Variants in ZFYVE28 observed in about 807,000 individuals in gnomAD.
ZFYVE28 encodes lateral signaling target protein 2 homolog.
Under a neutral mutation model 82.1 loss-of-function variants are expected in ZFYVE28, and 40 were observed. That is an observed-to-expected ratio of 0.49 (90% CI 0.38 to 0.63). ZFYVE28 has a LOEUF of 0.63. Ranked by LOEUF, ZFYVE28 falls within the 30% of genes least tolerant of loss-of-function variation. ZFYVE28 has a pLI of 0.00. For missense variants in ZFYVE28, 1,321 were observed against 1,242.1 expected (o/e 1.06, Z -0.96); for synonymous variants, 612 against 546.1 (o/e 1.12, Z -1.68).
chr4:2,276,770 G>A (rs1488217437), intron 8 of ZFYVE28, among the ~76,000 whole-genome samples: 1 of 152,024 alleles, frequency 6.6e-6, no homozygotes, highest in Non-Finnish European at 1.5e-5. Flanking sequence ...CGTTCATACA[G>A]ATGGAAGGTA....
At chr4:2,360,398 C>T (rs1359067143) in intron 1 of ZFYVE28, among the ~76,000 whole-genome samples, 1 of 150,724 alleles carries the variant, frequency 6.6e-6, no homozygotes, top group Non-Finnish European at 1.5e-5. Flanking sequence ...ATCACACACA[C>T]ACACACACAC....
intron 1 of ZFYVE28, among the ~76,000 whole-genome samples, chr4:2,402,404 T>C (rs1416609787): frequency 1.8e-4 from 27 of 152,212 alleles, no homozygotes; most frequent in Admixed American, 1.8e-3. Flanking sequence ...GGCCATGTCC[T>C]GCAGCCTCTG....
At chr4:2,404,857 CTTT>C (rs11404626) in intron 1 of ZFYVE28, among the ~76,000 whole-genome samples, 4 of 110,990 alleles carry the variant, frequency 3.6e-5, no homozygotes, top group African/African-American at 1.1e-4. Flanking sequence ...CAGTCTCGCT[CTTT>C]TTTTTTTTTT....
At chr4:2,353,337 G>A (rs759291822) in intron 2 of ZFYVE28, among the ~76,000 whole-genome samples, 23 of 152,196 alleles carry the variant, frequency 1.5e-4, no homozygotes, top group Non-Finnish European at 2.9e-4. Context: ...ACCTCCCATG[G>A]CCGCAAGGAT....
chr4:2,389,856 G>A (rs909482868), intron 1 of ZFYVE28, among the ~76,000 whole-genome samples: 3 of 152,160 alleles, frequency 2.0e-5, no homozygotes, highest in Non-Finnish European at 2.9e-5. Context: ...AACACACCAC[G>A]TGCTCACCCC....
intron 1 of ZFYVE28, among the ~76,000 whole-genome samples, chr4:2,382,170 C>A (rs902738813): frequency 3.3e-5 from 5 of 152,240 alleles, no homozygotes; most frequent in African/African-American, 1.2e-4. Context: ...AGGGGTGGGG[C>A]ACTCATGGAG....
chr4:2,408,049 A>C lies in ZFYVE28; in HGVS notation c.39+10236T>G, dbSNP rs1030821167. On this transcript the variant is annotated intron_variant, in intron 1 of 12. Coordinates refer to ENST00000290974, the MANE Select transcript of ZFYVE28 (RefSeq NM_020972.3). This position sits in a 1 kb window ranked among gnomAD's most constrained non-coding sequence, Gnocchi z 4.3. ...GCTCCTCCAGAACACCATGTACCTC[A>C]CTCGGCCAGGCTGCCCAGGTGACCC... is the stretch of plus-strand genomic sequence containing the variant. Among the ~76,000 whole-genome samples, 2 of 151,932 alleles carry C rather than the reference A, an allele frequency of 1.3e-5. No homozygotes were observed. Among genetic ancestry groups the C allele is most frequent in the Non-Finnish European group, 2.9e-5 (2 of 67,938 alleles).
In ZFYVE28 at chr4:2,339,321, G is replaced by T; in HGVS notation, c.521+132C>A. 1 of 1,002,148 alleles carries T rather than the reference G, an allele frequency of 1.0e-6. No individual in the cohort carries two copies. Among genetic ancestry groups the T allele is most frequent in the Non-Finnish European group, 1.5e-6 (1 of 678,148 alleles). 62.1% of individuals were successfully genotyped at this position (1,002,148 alleles called of 1,614,324 possible). Reference sequence around the variant, plus strand: ...TCTCCAGGGCTTAACCCCACCCACAGGCGGCCCTGAACCTGCCTGGCTCCT... The same window carrying T: ...TCTCCAGGGCTTAACCCCACCCACATGCGGCCCTGAACCTGCCTGGCTCCT... On this transcript the variant is annotated intron_variant, in intron 4 of 12. Coordinates refer to ENST00000290974, the MANE Select transcript of ZFYVE28 (RefSeq NM_020972.3). The surrounding 1 kb of genome is among the most constrained non-coding windows in gnomAD (Gnocchi z 5.0).
At chr4:2,283,577 CCCATCCATCCAT>C (rs564572115) in intron 8 of ZFYVE28, among the ~76,000 whole-genome samples, 4 of 147,036 alleles carry the variant, frequency 2.7e-5, no homozygotes, top group East Asian at 2.0e-4. Flanking sequence ...CGTCCATCCA[CCCATCCATCCAT>C]CCATCCATCC....
chr4:2,385,096 G>T (rs191276827), intron 1 of ZFYVE28, among the ~76,000 whole-genome samples: 21 of 152,290 alleles, frequency 1.4e-4, no homozygotes, highest in Middle Eastern at 3.4e-3. Context: ...TGGCGAGAAG[G>T]GGGACCAGAC....
Position 2,418,411 on chromosome 4 carries a change from G to T in ZFYVE28, c.-88C>A. On this transcript the variant is annotated 5_prime_UTR_variant, in exon 1 of 13. Coordinates refer to ENST00000290974, the MANE Select transcript of ZFYVE28 (RefSeq NM_020972.3). This position sits in a 1 kb window ranked among gnomAD's most constrained non-coding sequence, Gnocchi z 4.6. ...CCGGCTGAGGCGCGGGGCGGACGCG[G>T]AGGCACGGCCGGAGCCCCCGCGCTG... The T allele has an allele frequency of 9.3e-7, 1 of 1,070,530 alleles. No homozygotes were observed. The highest frequency in any genetic ancestry group is 1.1e-6 in the Non-Finnish European group (1 of 869,644). The allele number at this position is 1,070,530 out of a possible 1,614,324, so 66.3% of individuals were successfully genotyped here. A position where few individuals can be genotyped will look rare whatever the true frequency, so the allele number is the denominator to read the frequency against.
chr4:2,278,034 G>C (rs1175255550), intron 8 of ZFYVE28, among the ~76,000 whole-genome samples: 1 of 152,154 alleles, frequency 6.6e-6, no homozygotes, highest in Non-Finnish European at 1.5e-5. Flanking sequence ...CTTATGGGCA[G>C]TGGATTCTCA....
chr4:2,320,267 G>A lies in ZFYVE28; in HGVS notation c.706C>T (p.Leu236Phe). The change falls in exon 7 of 13, where the codon CTC becomes TTC. Residue 236 changes from leucine (L) to phenylalanine (F), a missense_variant. Physicochemically the swap from Leu to Phe is conservative, Grantham distance 22. Transcript: ENST00000290974. This position sits in a 1 kb window ranked among gnomAD's most constrained non-coding sequence, Gnocchi z 5.1. ...SIPRLAIVCG[L>F]VVYADGPLNL... ...AGAGGTCCGTCCGCATAGACCACGA[G>A]GCCACTGCATTTGAGACACAAAAGC... 6.2e-7 allele frequency: 1 copy of A among 1,614,008 alleles called. No individual in the cohort carries two copies. The highest frequency in any genetic ancestry group is 8.5e-7 in the Non-Finnish European group (1 of 1,179,948).
chr4:2,366,730 C>A (rs2108899897), intron 1 of ZFYVE28, among the ~76,000 whole-genome samples: 1 of 152,098 alleles, frequency 6.6e-6, no homozygotes, highest in East Asian at 1.9e-4. Context: ...GAAACAGACC[C>A]CCTCCCACCC....
At chr4:2,414,421 AG>A (rs1337257919) in intron 1 of ZFYVE28, among the ~76,000 whole-genome samples, 1 of 152,280 alleles carries the variant, frequency 6.6e-6, no homozygotes, top group Non-Finnish European at 1.5e-5. Context: ...GAATGTTTAC[AG>A]GAAGTTGCCA....
At chr4:2,323,139 G>A (rs1049411806) in intron 6 of ZFYVE28, among the ~76,000 whole-genome samples, 15 of 152,148 alleles carry the variant, frequency 9.9e-5, no homozygotes, top group African/African-American at 3.6e-4. Context: ...ACTGTTTTCC[G>A]TAGCAGCTGT....
chr4:2,388,189 A>C (rs1729474857), intron 1 of ZFYVE28, among the ~76,000 whole-genome samples: 1 of 152,210 alleles, frequency 6.6e-6, no homozygotes. Context: ...AATTGTCTTC[A>C]AAGCCGGGAC....
Position 2,304,471 on chromosome 4 carries a change from C to G in ZFYVE28, c.1869G>C (p.Gly623=). 2 of 1,613,390 alleles carry G rather than the reference C, an allele frequency of 1.2e-6. No homozygotes were observed. Among genetic ancestry groups the G allele is most frequent in the East Asian group, 4.5e-5 (2 of 44,882 alleles). The change falls in exon 8 of 13, where the codon GGG becomes GGC. Residue 623 remains glycine, a synonymous_variant. Coordinates refer to ENST00000290974, the MANE Select transcript of ZFYVE28 (RefSeq NM_020972.3). ...APPPSEDASN[G]REPKAPTSDK... ...CGGAAGTGGGGGCTTTGGGCTCCCG[C>G]CCGTTGGAGGCATCTTCTGAGGGTG... is the stretch of plus-strand genomic sequence containing the variant.
intron 8 of ZFYVE28, among the ~76,000 whole-genome samples, chr4:2,292,631 A>G (rs1172242184): frequency 6.6e-6 from 1 of 152,220 alleles, no homozygotes; most frequent in Non-Finnish European, 1.5e-5. Flanking sequence ...ATAATTCAAC[A>G]GACAGTCTGC....
Sources: gnomAD v4.1 joint callset for allele counts (sites outside exome capture counted in the v4.1 genomes callset) on GRCh38, gnomAD v4.1.1 for gene constraint, Gnocchi (gnomAD v3.1) non-coding constraint, MANE v1.5 for transcripts, NCBI Gene and HGNC (gene_info 2026-07-23, HGNC 2026-07-21) for gene names.